Variants in PHKB observed in about 807,000 individuals in gnomAD.
PHKB encodes phosphorylase b kinase regulatory subunit beta.
A neutral mutation model predicts 152.1 loss-of-function variants in PHKB; 122 were observed. The ratio of observed to expected loss-of-function variants is 0.80; its 90% CI spans 0.69 to 0.93. The LOEUF is 0.93. Among genes scored for constraint, PHKB ranks in the 40% least tolerant of loss-of-function variants. The probability of loss-of-function intolerance (pLI) is 0.00; values close to 1 mark genes in which losing one functional copy is unlikely to be tolerated. For synonymous variants in PHKB, 436 were observed against 464.9 expected (o/e 0.94, Z 0.80); for missense variants, 1,304 against 1,328.4 (o/e 0.98, Z 0.29).
At chr16:47,684,471 CAA>C (rs1209004968) in intron 26 of PHKB, among the ~76,000 whole-genome samples, 1 of 152,050 alleles carries the variant, frequency 6.6e-6, no homozygotes, top group Non-Finnish European at 1.5e-5. Context: ...AGCCTCCAAA[CAA>C]GAGTGTTTTT....
Position 47,596,467 on chromosome 16 carries a change from C to G in PHKB, c.1299C>G (p.Asn433Lys). The G allele has an allele frequency of 6.2e-7, 1 of 1,613,868 alleles. No individual in the cohort carries two copies. The change falls in exon 13 of 31, where the codon AAC becomes AAG. Residue 433 changes from asparagine to lysine, a missense_variant. Asn to Lys is a moderately conservative substitution (Grantham distance 94, BLOSUM62 0). Coordinates refer to ENST00000323584, the MANE Select transcript of PHKB (RefSeq NM_000293.3). ...NPGSQKRFPS[N>K]CGRDGKLFLW... ...GTAGTCAAAAACGATTTCCTAGCAA[C>G]TGTGGCCGTGATGGAAAACTGTTTC...
At position 47,657,320 on chromosome 16, in the gene PHKB, A is replaced by G. The variant is rs1244818361; in HGVS notation, c.1972-3186A>G. On this transcript the variant is annotated intron_variant, in intron 20 of 30. Transcript: ENST00000323584. ...CTCCGACTGTAGGCACTAGGGATGTAGTGTTGAATATGATACACAAGGTTT... is the reference window on the plus strand; with the variant it reads ...CTCCGACTGTAGGCACTAGGGATGTGGTGTTGAATATGATACACAAGGTTT... 2.0e-5 allele frequency among the ~76,000 whole-genome samples: 3 copies of G among 152,166 alleles called. No individual in the cohort carries two copies. The East Asian group carries it at 5.8e-4, about 29-fold the overall frequency.
In PHKB at chr16:47,531,811, A is replaced by T. The variant is rs540133489; in HGVS notation, c.595-15622A>T. Among the ~76,000 whole-genome samples the T allele has an allele frequency of 7.9e-5, 12 of 152,332 alleles. No homozygotes were observed. The East Asian group carries it at 2.1e-3, about 27-fold the overall frequency. On this transcript the variant is annotated intron_variant, in intron 6 of 30. Coordinates refer to ENST00000323584, the MANE Select transcript of PHKB (RefSeq NM_000293.3). ...CCTATATCACAATCTGAGAACTACT[A>T]TTGGAGAGGAAATTTTAGGAGAGCA...
At chr16:47,541,544 T>C (rs1417033820) in intron 6 of PHKB, among the ~76,000 whole-genome samples, 2 of 152,250 alleles carry the variant, frequency 1.3e-5, no homozygotes, top group Admixed American at 6.5e-5. Flanking sequence ...ATGGTATTTC[T>C]AGTTCTAGAT....
chr16:47,517,304 G>A (rs1970614548), intron 6 of PHKB, among the ~76,000 whole-genome samples: 1 of 149,520 alleles, frequency 6.7e-6, no homozygotes, highest in Non-Finnish European at 1.5e-5. Context: ...TGCCCAGGCT[G>A]GAGTGCAGTA....
At chr16:47,587,517 G>T in intron 8 of PHKB, 151 bp from the exon 9 acceptor site, 1 of 618,072 alleles carries the variant, frequency 1.6e-6, no homozygotes. Context: ...GAGAAATATT[G>T]AAAGTACAAA....
intron 20 of PHKB, among the ~76,000 whole-genome samples, chr16:47,658,224 C>A (rs1973373105): frequency 6.6e-6 from 1 of 152,158 alleles, no homozygotes. Flanking sequence ...TGCCTCAGGA[C>A]CTTTGCACTT....
intron 14 of PHKB, among the ~76,000 whole-genome samples, chr16:47,620,303 C>T (rs1972594408): frequency 1.3e-5 from 2 of 152,166 alleles, no homozygotes; most frequent in South Asian, 4.1e-4. Context: ...GTTGGATGTT[C>T]TGCCTAGCAA....
chr16:47,607,128 ACTT>A (rs1445784383), intron 13 of PHKB, among the ~76,000 whole-genome samples: 1 of 152,072 alleles, frequency 6.6e-6, no homozygotes, highest in Non-Finnish European at 1.5e-5. Flanking sequence ...AAGAAATCTG[ACTT>A]CTTTCCTATT....
At chr16:47,670,396 G>A (rs992820566) in intron 26 of PHKB, among the ~76,000 whole-genome samples, 3 of 152,098 alleles carry the variant, frequency 2.0e-5, no homozygotes, top group Non-Finnish European at 2.9e-5. Context: ...ATCTCTATTT[G>A]GTCATTGCTG....
intron 13 of PHKB, among the ~76,000 whole-genome samples, chr16:47,605,838 A>G (rs1429599279): frequency 6.6e-6 from 1 of 151,984 alleles, no homozygotes; most frequent in Non-Finnish European, 1.5e-5. Flanking sequence ...ATTTTCACCT[A>G]TGTTATGTAG....
chr16:47,597,352 TA>T (rs1000598533), intron 13 of PHKB, among the ~76,000 whole-genome samples: 1 of 152,158 alleles, frequency 6.6e-6, no homozygotes, highest in Non-Finnish European at 1.5e-5. Flanking sequence ...CTTCGGTTTT[TA>T]AAAAAATATT....
intron 7 of PHKB, among the ~76,000 whole-genome samples, chr16:47,559,091 G>T (rs912510062): frequency 6.6e-6 from 1 of 152,158 alleles, no homozygotes; most frequent in African/African-American, 2.4e-5. Context: ...TGGGTTAACT[G>T]AATGTAAGTT....
chr16:47,623,314 T>C (rs974189353), intron 14 of PHKB, among the ~76,000 whole-genome samples: 2 of 152,082 alleles, frequency 1.3e-5, no homozygotes, highest in African/African-American at 4.8e-5. Context: ...CTAAAAAGTC[T>C]AGAGGAAAAC....
intron 7 of PHKB, among the ~76,000 whole-genome samples, chr16:47,549,342 C>T (rs1185256698): frequency 6.6e-6 from 1 of 152,010 alleles, no homozygotes; most frequent in East Asian, 1.9e-4. Flanking sequence ...TCAGTCTGAC[C>T]CCATTGCCAT....
chr16:47,545,922 C>T (rs1002441896), intron 6 of PHKB, among the ~76,000 whole-genome samples: 4 of 152,144 alleles, frequency 2.6e-5, no homozygotes, highest in Admixed American at 2.6e-4. Flanking sequence ...AGTTCTTGTG[C>T]CATGGTTTTC....
At chr16:47,597,728 G>A (rs983635683) in intron 13 of PHKB, 4 of 125,440 alleles carry the variant, frequency 3.2e-5, no homozygotes, top group Admixed American at 9.0e-5. Flanking sequence ...ATAGTCGTAT[G>A]ACTAAGATGT....
intron 14 of PHKB, among the ~76,000 whole-genome samples, chr16:47,631,621 C>T (rs1373298087): frequency 6.6e-6 from 1 of 152,114 alleles, no homozygotes; most frequent in African/African-American, 2.4e-5. Flanking sequence ...AATGCTGTCC[C>T]CCCGCTAGCC....
intron 27 of PHKB, among the ~76,000 whole-genome samples, chr16:47,691,367 A>AT (rs1429280415): frequency 6.6e-6 from 1 of 152,180 alleles, no homozygotes; most frequent in East Asian, 1.9e-4. Flanking sequence ...GTATTGTATC[A>AT]TTGTTTACTC....
Sources: gnomAD v4.1 joint callset for allele counts (sites outside exome capture counted in the v4.1 genomes callset) on GRCh38, gnomAD v4.1.1 for gene constraint, MANE v1.5 for transcripts, NCBI Gene and HGNC (gene_info 2026-07-23, HGNC 2026-07-21) for gene names.